The following EBF1 variants were observed in gnomAD, a reference collection of about 807,000 sequenced individuals.
The protein encoded by EBF1 is transcription factor COE1.
EBF1 carries 10 observed loss-of-function variants against 68.4 expected under a neutral mutation model. That is an observed-to-expected ratio of 0.15 (90% CI 0.09 to 0.25). The LOEUF is 0.25. Among genes scored for constraint, EBF1 ranks in the 10% least tolerant of loss-of-function variants. EBF1 has a pLI of 1.00. For synonymous variants in EBF1, 298 were observed against 299.8 expected (o/e 0.99, Z 0.06); for missense variants, 509 against 794.4 (o/e 0.64, Z 4.32).
At chr5:158,735,707 G>A (rs1765035146) in intron 10 of EBF1, among the ~76,000 whole-genome samples, 1 of 152,120 alleles carries the variant, frequency 6.6e-6, no homozygotes, top group African/African-American at 2.4e-5. Flanking sequence ...TAATGAAATG[G>A]TTAAAAAAAT....
chr5:158,749,845 T>A (rs1324347959), intron 10 of EBF1, among the ~76,000 whole-genome samples: 1 of 152,078 alleles, frequency 6.6e-6, no homozygotes, highest in African/African-American at 2.4e-5. Context: ...TATTTAGAGG[T>A]CTGGGCAAGG....
At chr5:158,885,571 A>G (rs1396406472) in intron 6 of EBF1, among the ~76,000 whole-genome samples, 1 of 152,182 alleles carries the variant, frequency 6.6e-6, no homozygotes, top group Non-Finnish European at 1.5e-5. Flanking sequence ...CCACACAATC[A>G]TCATCATATC....
rs1365759909 is a variant in EBF1, at chr5:158,886,889, C to T, written c.555-46779G>A. On this transcript the variant is annotated intron_variant, in intron 6 of 15. Coordinates refer to ENST00000313708, the MANE Select transcript of EBF1 (RefSeq NM_024007.5). The stretch of plus-strand genomic sequence containing the variant: ...TGGCGGCGGGCACGTGTAATCCCAG[C>T]TACTCAGGAAGCTGAGGCAGGAGAA... Among the ~76,000 whole-genome samples the T allele has an allele frequency of 3.9e-5, 6 of 152,246 alleles. No homozygotes were observed. In the South Asian group the frequency reaches 1.2e-3, roughly 32 times the overall value.
chr5:158,710,165 T>C (rs1758857755), intron 14 of EBF1, among the ~76,000 whole-genome samples: 1 of 152,246 alleles, frequency 6.6e-6, no homozygotes, highest in Non-Finnish European at 1.5e-5. Flanking sequence ...TTGTTTTATT[T>C]GCATTTGTGC....
At chr5:158,809,055 A>G (rs1026729627) in intron 8 of EBF1, among the ~76,000 whole-genome samples, 2 of 152,106 alleles carry the variant, frequency 1.3e-5, no homozygotes, top group African/African-American at 2.4e-5. Context: ...ATAGCTGGGC[A>G]TGTATATACA....
intron 6 of EBF1, among the ~76,000 whole-genome samples, chr5:159,041,784 T>A (rs1024259008): frequency 2.6e-5 from 4 of 152,192 alleles, no homozygotes; most frequent in African/African-American, 4.8e-5. Flanking sequence ...GTACTTCATT[T>A]TAAAGACGCC....
At chr5:158,898,364 C>T (rs1331746954) in intron 6 of EBF1, among the ~76,000 whole-genome samples, 1 of 152,208 alleles carries the variant, frequency 6.6e-6, no homozygotes, top group East Asian at 1.9e-4. Context: ...CCTCACTATC[C>T]TTTCTCAGAA....
rs149065953 is a variant in EBF1 at position 158,713,033 on chromosome 5, C to T, written c.1306G>A (p.Val436Met). The change falls in exon 13 of 16, where the codon GTG becomes ATG. Residue 436 changes from valine to methionine, a missense_variant. Transcript: ENST00000313708. ...NTSVHAGMMGVNSFSGQLAVN... is the reference protein window; with the variant it reads ...NTSVHAGMMGMNSFSGQLAVN... The stretch of plus-strand genomic sequence containing the variant: ...GCCAGTTGTCCACTGAACGAATTCA[C>T]GCCCATCATCCCTGCGTGGACCGAG... 3.7e-5 allele frequency: 58 copies of T among 1,578,422 alleles called. No homozygotes were observed. Among genetic ancestry groups the T allele is most frequent in the East Asian group, 2.1e-4 (9 of 43,030 alleles).
intron 6 of EBF1, among the ~76,000 whole-genome samples, chr5:158,891,676 G>T (rs1344059664): frequency 6.6e-6 from 1 of 152,028 alleles, no homozygotes; most frequent in Non-Finnish European, 1.5e-5. Context: ...AATTACATAG[G>T]TATGTTTACG....
At chr5:158,785,802 T>C (rs1461102832) in intron 9 of EBF1, among the ~76,000 whole-genome samples, 2 of 152,224 alleles carry the variant, frequency 1.3e-5, no homozygotes, top group African/African-American at 2.4e-5. Flanking sequence ...TCAGTCATGT[T>C]ACTTAACACT....
chr5:158,869,450 C>T (rs1796483337), intron 6 of EBF1, among the ~76,000 whole-genome samples: 1 of 152,118 alleles, frequency 6.6e-6, no homozygotes, highest in African/African-American at 2.4e-5. Flanking sequence ...ATACCCGCCC[C>T]CGACCTTTTA....
intron 6 of EBF1, among the ~76,000 whole-genome samples, chr5:159,010,293 T>C (rs896372773): frequency 1.3e-5 from 2 of 152,210 alleles, no homozygotes; most frequent in Non-Finnish European, 2.9e-5. Flanking sequence ...TAAATAACCT[T>C]ACCTACAGAG....
At position 158,780,357 on chromosome 5, in the gene EBF1, G is replaced by T. The variant is rs1776195366; in HGVS notation, c.910-2818C>A. 2.0e-5 allele frequency among the ~76,000 whole-genome samples: 3 copies of T among 152,214 alleles called. No individual in the cohort carries two copies. The South Asian group carries it at 6.2e-4, about 32-fold the overall frequency. On this transcript the variant is annotated intron_variant, in intron 9 of 15. Coordinates refer to ENST00000313708, the MANE Select transcript of EBF1 (RefSeq NM_024007.5). ...TTTCACACATTGTTCCAGCCTGGTT[G>T]AACCCAAGGCAGCCACTCAAAGCAA...
intron 5 of EBF1, 21 bp downstream of exon 5, chr5:159,084,645 A>T: frequency 6.5e-7 from 1 of 1,533,164 alleles, no homozygotes; most frequent in Non-Finnish European, 8.8e-7. Context: ...AATTAACGGG[A>T]GAGACCAAGA....
intron 6 of EBF1, among the ~76,000 whole-genome samples, chr5:158,922,732 TATGTTTA>T (rs1489621382): frequency 6.6e-6 from 1 of 152,208 alleles, no homozygotes; most frequent in Non-Finnish European, 1.5e-5. Flanking sequence ...ATGTGTGTCT[TATGTTTA>T]ATGTGCATTT....
chr5:158,799,476 G>A (rs1780196176), intron 8 of EBF1, among the ~76,000 whole-genome samples: 1 of 152,060 alleles, frequency 6.6e-6, no homozygotes, highest in African/African-American at 2.4e-5. Context: ...ATCCAACAAT[G>A]CATGAATGCA....
chr5:158,992,626 T>C (rs1760565545), intron 6 of EBF1, among the ~76,000 whole-genome samples: 1 of 152,242 alleles, frequency 6.6e-6, no homozygotes, highest in African/African-American at 2.4e-5. Context: ...CAGAATGTTC[T>C]TTCTTTTATG....
chr5:158,954,999 T>TC (rs901807450), intron 6 of EBF1, among the ~76,000 whole-genome samples: 14 of 152,230 alleles, frequency 9.2e-5, no homozygotes, highest in East Asian at 3.9e-4. Context: ...GCATTTTTTT[T>TC]CCCCACCAAT....
At chr5:159,069,636 G>C (rs1350710832) in intron 6 of EBF1, among the ~76,000 whole-genome samples, 1 of 152,088 alleles carries the variant, frequency 6.6e-6, no homozygotes, top group African/African-American at 2.4e-5. Flanking sequence ...CATATAGAAA[G>C]ATTTTTTAAT....
Sources: allele counts gnomAD v4.1 joint callset (sites outside exome capture counted in the v4.1 genomes callset), GRCh38; gene constraint gnomAD v4.1.1; transcripts MANE v1.5; gene names NCBI Gene and HGNC (gene_info 2026-07-23, HGNC 2026-07-21).